The following LPXN variants were observed in gnomAD, a reference collection of about 807,000 sequenced individuals.
LPXN encodes leupaxin.
Under a neutral mutation model 45.6 loss-of-function variants are expected in LPXN, and 28 were observed. That is an observed-to-expected ratio of 0.61 (90% CI 0.45 to 0.84). The LOEUF (loss-of-function observed/expected upper bound fraction) is 0.84. LPXN is among the 40% of genes least tolerant of loss of function. LPXN has a pLI of 0.00. For synonymous variants in LPXN, 166 were observed against 169.9 expected, an observed-to-expected ratio of 0.98 and a Z score of 0.18; for missense variants, 459 against 475.0, an observed-to-expected ratio of 0.97 and a Z score of 0.31.
intron 1 of LPXN, among the ~76,000 whole-genome samples, chr11:58,574,654 G>A (rs1229893065): frequency 3.3e-5 from 5 of 152,026 alleles, no homozygotes; most frequent in Non-Finnish European, 5.9e-5. Context: ...CAGCACTCAC[G>A]TAGGATAAGA....
chr11:58,547,289 C>T (rs1853903393), intron 7 of LPXN, among the ~76,000 whole-genome samples: 1 of 152,056 alleles, frequency 6.6e-6, no homozygotes, highest in Non-Finnish European at 1.5e-5. Flanking sequence ...TAGGAGGGAA[C>T]AATGAAAGCC....
At chr11:58,538,919 T>C (rs1449434665) in intron 7 of LPXN, among the ~76,000 whole-genome samples, 7 of 151,854 alleles carry the variant, frequency 4.6e-5, no homozygotes, top group Admixed American at 4.6e-4. Flanking sequence ...ACACAAATAA[T>C]CAAACAAATC....
rs578004610 is a variant in LPXN, at chr11:58,526,979, A to C, written c.*475T>G. 6.4e-6 allele frequency: 1 copy of C among 155,046 alleles called. No homozygotes were observed. Among genetic ancestry groups the C allele is most frequent in the Non-Finnish European group, 1.4e-5 (1 of 69,492 alleles). 9.6% of individuals were successfully genotyped at this position (155,046 alleles called of 1,614,324 possible). A position where few individuals can be genotyped will look rare whatever the true frequency, so the allele number is the denominator to read the frequency against. On this transcript the variant is annotated 3_prime_UTR_variant, in exon 9 of 9. Transcript: ENST00000395074. The stretch of plus-strand genomic sequence containing the variant: ...CAAAAATACACTGAAGGAAGATGCA[A>C]AGAGCTAAAAGTGGTATCATGATTC...
chr11:58,575,188 G>A (rs570180584), intron 1 of LPXN, among the ~76,000 whole-genome samples: 1 of 152,252 alleles, frequency 6.6e-6, no homozygotes, highest in South Asian at 2.1e-4. Flanking sequence ...TCTTCCTTCA[G>A]AATTCTTCTG....
chr11:58,546,824 A>T (rs1309699596), intron 7 of LPXN, among the ~76,000 whole-genome samples: 1 of 152,220 alleles, frequency 6.6e-6, no homozygotes, highest in Non-Finnish European at 1.5e-5. Flanking sequence ...TGAACTGCAA[A>T]ACATCCCTCC....
intron 3 of LPXN, 88 bp from the exon 4 acceptor site, chr11:58,555,028 A>G: frequency 1.2e-6 from 1 of 814,814 alleles, no homozygotes; most frequent in South Asian, 1.5e-5. Flanking sequence ...ATGCAACTGT[A>G]ATAATGAATC....
intron 5 of LPXN, 87 bp from the exon 6 acceptor site, chr11:58,550,233 CA>C: frequency 8.1e-7 from 1 of 1,238,046 alleles, no homozygotes; most frequent in Non-Finnish European, 1.2e-6. Context: ...GCACTCTTCA[CA>C]TTGTACCCCT....
intron 7 of LPXN, among the ~76,000 whole-genome samples, chr11:58,549,223 G>A (rs563117953): frequency 6.6e-6 from 1 of 152,226 alleles, no homozygotes; most frequent in East Asian, 1.9e-4. Context: ...GTGAAACATT[G>A]TCCCTACTAA....
At chr11:58,531,431 A>G (rs1853383565) in intron 7 of LPXN, among the ~76,000 whole-genome samples, 3 of 151,930 alleles carry the variant, frequency 2.0e-5, no homozygotes, top group Non-Finnish European at 4.4e-5. Context: ...CAATAGCTGA[A>G]TTGATCAAGC....
intron 7 of LPXN, among the ~76,000 whole-genome samples, chr11:58,539,354 A>G (rs1348956348): frequency 6.6e-6 from 1 of 152,224 alleles, no homozygotes; most frequent in African/African-American, 2.4e-5. Flanking sequence ...AGCTCTGTCC[A>G]CTGAAAAACC....
At chr11:58,577,499 G>C (rs1854933528), upstream of LPXN, among the ~76,000 whole-genome samples, 1 of 152,148 alleles carries the variant, frequency 6.6e-6, no homozygotes, top group Admixed American at 6.5e-5. Flanking sequence ...TTTTAGCCCT[G>C]GATGCCTTAT....
chr11:58,540,002 A>G (rs532467575), intron 7 of LPXN, among the ~76,000 whole-genome samples: 3 of 152,290 alleles, frequency 2.0e-5, no homozygotes, highest in Middle Eastern at 3.4e-3. Flanking sequence ...AAAGTGGTCA[A>G]CCAGTCATTA....
At chr11:58,562,009 G>C (rs934603384) in intron 3 of LPXN, among the ~76,000 whole-genome samples, 2 of 152,184 alleles carry the variant, frequency 1.3e-5, no homozygotes, top group African/African-American at 4.8e-5. Flanking sequence ...TTACTTCACT[G>C]CTCAGAGATT....
chr11:58,528,852 T>G (rs1227402103), intron 7 of LPXN, among the ~76,000 whole-genome samples: 1 of 152,236 alleles, frequency 6.6e-6, no homozygotes, highest in African/African-American at 2.4e-5. Context: ...TTTTATTTTT[T>G]GTGTGGGTAT....
chr11:58,573,915 A>G (rs559298234), intron 1 of LPXN, among the ~76,000 whole-genome samples: 1 of 152,282 alleles, frequency 6.6e-6, no homozygotes, highest in East Asian at 1.9e-4. Context: ...TATCATGCCT[A>G]ATGCCTACGT....
At chr11:58,541,879 T>C (rs1853734614) in intron 7 of LPXN, among the ~76,000 whole-genome samples, 2 of 152,262 alleles carry the variant, frequency 1.3e-5, no homozygotes, top group African/African-American at 4.8e-5. Flanking sequence ...GGTGAGTTCA[T>C]GTCCTTTGTA....
intron 7 of LPXN, among the ~76,000 whole-genome samples, chr11:58,529,866 T>A (rs1226659695): frequency 6.6e-6 from 1 of 152,054 alleles, no homozygotes; most frequent in Non-Finnish European, 1.5e-5. Flanking sequence ...GATCGGACAG[T>A]GGGTGCAGCC....
upstream of LPXN, chr11:58,577,934 G>A (rs1296596121): frequency 2.0e-6 from 3 of 1,490,140 alleles, no homozygotes; most frequent in Non-Finnish European, 2.7e-6. Context: ...TGGGCCTTGT[G>A]CTAGGGCTCC....
At chr11:58,560,426 T>C (rs1172255696) in intron 3 of LPXN, among the ~76,000 whole-genome samples, 1 of 152,232 alleles carries the variant, frequency 6.6e-6, no homozygotes, top group Non-Finnish European at 1.5e-5. Flanking sequence ...GAAAAAATTT[T>C]AAACACATAT....
Sources: gnomAD v4.1 joint callset for allele counts (sites outside exome capture counted in the v4.1 genomes callset) on GRCh38, gnomAD v4.1.1 for gene constraint, MANE v1.5 for transcripts, NCBI Gene and HGNC (gene_info 2026-07-23, HGNC 2026-07-21) for gene names.